Variants in ESPNL observed in about 807,000 individuals in gnomAD.
ESPNL encodes espin like, also known as espin-like protein.
A neutral mutation model predicts 46.8 loss-of-function variants in ESPNL; 49 were observed. That is an observed-to-expected ratio of 1.05 (90% CI 0.83 to 1.33). The LOEUF is 1.33. Among genes scored for constraint, ESPNL ranks in the 40% most tolerant of loss-of-function variants. The probability of loss-of-function intolerance (pLI) is 0.00; values close to 1 mark genes in which losing one functional copy is unlikely to be tolerated. For missense variants in ESPNL, 1,540 were observed against 1,436.6 expected (o/e 1.07, Z -1.16); for synonymous variants, 664 against 662.1 (o/e 1.00, Z -0.04).
intron 2 of ESPNL, among the ~76,000 whole-genome samples, chr2:238,103,284 C>T (rs1691525761): frequency 6.6e-6 from 1 of 152,138 alleles, no homozygotes; most frequent in African/African-American, 2.4e-5. Context: ...TAAAAATTAG[C>T]CAGGCATGGT....
At chr2:238,127,464 G>T in intron 6 of ESPNL, 158 bp from the exon 7 acceptor site, 2 of 1,128,376 alleles carry the variant, frequency 1.8e-6, no homozygotes, top group Non-Finnish European at 2.4e-6. Flanking sequence ...GTCCAGTGGG[G>T]CCCCCGAGGT....
rs777585439 is a variant in ESPNL at position 238,130,190 on chromosome 2, G to A, written c.1476G>A (p.Gln492=). The A allele has an allele frequency of 2.9e-5, 47 of 1,612,598 alleles. No homozygotes were observed. In the Admixed American group the frequency reaches 4.0e-4, roughly 14 times the overall value. Reference sequence around the variant, plus strand: ...CCTGGAGGTACTCACAGACTCATCAGGCCATCCTGGGGCCCTTTGGGGAGC... The same window carrying A: ...CCTGGAGGTACTCACAGACTCATCAAGCCATCCTGGGGCCCTTTGGGGAGC... ...QAAWRYSQTH[Q]AILGPFGELL... Residue 492 remains glutamine, a synonymous_variant, in exon 9 of 9, where the codon CAG becomes CAA. Coordinates refer to ENST00000343063, the MANE Select transcript of ESPNL (RefSeq NM_194312.4).
In ESPNL at chr2:238,130,769, T is replaced by C. The variant is rs756460738; in HGVS notation, c.2055T>C (p.Ser685=). ...GGGCCCAGCACAGGCAGTGCCTGAG[T>C]GGCTGCTGGCCAGCCCTGCCTAAGC... ...EPGAQHRQCL[S]GCWPALPKPR... is the part of the protein sequence containing the mutation. Residue 685 remains serine (S), a synonymous_variant, in exon 9 of 9, where the codon AGT becomes AGC. Transcript: ENST00000343063. The C allele has an allele frequency of 5.2e-6, 8 of 1,551,364 alleles. No individual in the cohort carries two copies. In the Admixed American group the frequency reaches 1.5e-4, roughly 29 times the overall value.
chr2:238,130,304 G>A lies in ESPNL; in HGVS notation c.1590G>A (p.Leu530=). Reference sequence around the variant, plus strand: ...GCTGTCAGGAGTATGAGAGTGAGCTGGGCCGGTTGGCGGCTGAGCTGCAGG... The same window carrying A: ...GCTGTCAGGAGTATGAGAGTGAGCTAGGCCGGTTGGCGGCTGAGCTGCAGG... ...RRRCQEYESE[L]GRLAAELQAL... is the part of the protein sequence containing the mutation. The change falls in exon 9 of 9, where the codon CTG becomes CTA. Residue 530 remains leucine, a synonymous_variant. Coordinates refer to ENST00000343063, the MANE Select transcript of ESPNL (RefSeq NM_194312.4). The A allele has an allele frequency of 6.2e-7, 1 of 1,606,814 alleles. No homozygotes were observed. Among genetic ancestry groups the A allele is most frequent in the Non-Finnish European group, 8.5e-7 (1 of 1,177,216 alleles).
intron 8 of ESPNL, 136 bp from the exon 9 acceptor site, chr2:238,129,992 A>C (rs1324196941): frequency 1.0e-6 from 1 of 963,160 alleles, no homozygotes; most frequent in Admixed American, 2.9e-5. Flanking sequence ...CCTAGCTGGG[A>C]AGCCCTTTAA....
At chr2:238,127,369 G>C in intron 6 of ESPNL, 1 of 1,279,792 alleles carries the variant, frequency 7.8e-7, no homozygotes. Context: ...CCTGCTGCAG[G>C]AGGGGCCGCG....
At chr2:238,102,934 A>G (rs1188192484) in intron 2 of ESPNL, among the ~76,000 whole-genome samples, 1 of 152,170 alleles carries the variant, frequency 6.6e-6, no homozygotes, top group Admixed American at 6.5e-5. Context: ...CCTTAGCTCC[A>G]GGACAAGCCC....
chr2:238,113,836 C>A (rs1041101756), intron 4 of ESPNL, among the ~76,000 whole-genome samples: 1 of 152,124 alleles, frequency 6.6e-6, no homozygotes, highest in Non-Finnish European at 1.5e-5. Context: ...CCTGAGGCTG[C>A]GGGAGGACGG....
chr2:238,126,901 TTG>T (rs775425604), intron 6 of ESPNL, among the ~76,000 whole-genome samples: 39 of 81,124 alleles, frequency 4.8e-4, no homozygotes, highest in East Asian at 1.1e-3. Context: ...GATTGTGTGA[TTG>T]TGTGTGTATG....
chr2:238,110,949 C>T (rs1210457084), intron 4 of ESPNL, among the ~76,000 whole-genome samples: 29 of 110,972 alleles, frequency 2.6e-4, no homozygotes, highest in Admixed American at 3.2e-4. Context: ...ATTAGTTATT[C>T]TTTTTTTTTT....
chr2:238,109,101 G>A (rs1024197604), intron 4 of ESPNL, among the ~76,000 whole-genome samples: 15 of 152,290 alleles, frequency 9.8e-5, no homozygotes, highest in Non-Finnish European at 1.0e-4. Flanking sequence ...GGGGTGACCC[G>A]CAGGCCCTGG....
chr2:238,112,125 T>A (rs1456755165), intron 4 of ESPNL, among the ~76,000 whole-genome samples: 1 of 152,016 alleles, frequency 6.6e-6, no homozygotes, highest in Non-Finnish European at 1.5e-5. Flanking sequence ...CGTGAAATCC[T>A]CTGGATCTGG....
chr2:238,129,127 T>A (rs968134391), intron 8 of ESPNL: 2 of 1,403,008 alleles, frequency 1.4e-6, no homozygotes, highest in African/African-American at 2.9e-5. Flanking sequence ...GTCCCACGTA[T>A]CCTTCCACTT....
intron 2 of ESPNL, among the ~76,000 whole-genome samples, chr2:238,103,363 A>G (rs980288895): frequency 1.3e-5 from 2 of 152,198 alleles, no homozygotes; most frequent in African/African-American, 4.8e-5. Context: ...TGGGAGGCGG[A>G]GGTTGCAGTA....
rs1574750345 is a variant in ESPNL at position 238,131,704 on chromosome 2, A to G, written c.2990A>G (p.Glu997Gly). The G allele has an allele frequency of 6.3e-7, 1 of 1,589,494 alleles. No homozygotes were observed. Among genetic ancestry groups the G allele is most frequent in the Non-Finnish European group, 8.6e-7 (1 of 1,161,456 alleles). Reference protein sequence around the residue: ...NRSFAFWKEKEAEMFNFGE With the variant: ...NRSFAFWKEKGAEMFNFGE ...AGCTTTGCCTTCTGGAAGGAGAAGG[A>G]AGCTGAGATGTTCAACTTTGGAGAA... The change falls in exon 9 of 9, where the codon GAA becomes GGA. Residue 997 changes from glutamate to glycine, a missense_variant. Glu to Gly is a moderately conservative substitution (Grantham distance 98, BLOSUM62 -2). Coordinates refer to ENST00000343063, the MANE Select transcript of ESPNL (RefSeq NM_194312.4).
In ESPNL at chr2:238,118,572, T is replaced by C. The variant is rs1389748144; in HGVS notation, c.987+1538T>C. Among the ~76,000 whole-genome samples the C allele has an allele frequency of 9.6e-5, 7 of 73,096 alleles. 1 individual carries two copies. Among genetic ancestry groups the C allele is most frequent in the Non-Finnish European group, 1.8e-4 (7 of 38,846 alleles). 48.0% of individuals were successfully genotyped at this position (73,096 alleles called of 152,430 possible). A position where few individuals can be genotyped will look rare whatever the true frequency, so the allele number is the denominator to read the frequency against. ...GAAGAGGTGGATGGAGGAGAGTGAA[T>C]GGAGGAGGTGGATGGAGAAGGGTGG... is the stretch of plus-strand genomic sequence containing the variant. On this transcript the variant is annotated intron_variant, in intron 5 of 8. Transcript: ENST00000343063.
chr2:238,118,635 GAAT>G (rs1559263470), intron 5 of ESPNL, among the ~76,000 whole-genome samples: 3 of 141,348 alleles, frequency 2.1e-5, no homozygotes, highest in African/African-American at 8.1e-5. Flanking sequence ...GATGGAGGAG[GAAT>G]GGATGGAGGA....
intron 1 of ESPNL, among the ~76,000 whole-genome samples, chr2:238,101,096 C>T (rs1201816870): frequency 6.6e-6 from 1 of 152,156 alleles, no homozygotes; most frequent in East Asian, 1.9e-4. Context: ...GGAGCCTAGC[C>T]CTGGGGGACG....
At chr2:238,105,449 G>A (rs978158823) in intron 3 of ESPNL, among the ~76,000 whole-genome samples, 2 of 150,704 alleles carry the variant, frequency 1.3e-5, no homozygotes, top group Admixed American at 1.3e-4. Flanking sequence ...GGAGGCGGAG[G>A]TTGCTGTGAG....
Sources: allele counts gnomAD v4.1 joint callset (sites outside exome capture counted in the v4.1 genomes callset), GRCh38; gene constraint gnomAD v4.1.1; transcripts MANE v1.5; gene names NCBI Gene and HGNC (gene_info 2026-07-23, HGNC 2026-07-21).